The following GRM3 variants were observed in gnomAD, a reference collection of about 807,000 sequenced individuals.
GRM3 encodes glutamate metabotropic receptor 3.
Under a neutral mutation model 70.5 loss-of-function variants are expected in GRM3, and 26 were observed. The ratio of observed to expected loss-of-function variants is 0.37; its 90% confidence interval spans 0.27 to 0.51. The LOEUF is 0.51. Ranked by LOEUF, GRM3 falls within the 20% of genes least tolerant of loss-of-function variation. The pLI is 0.93. For synonymous variants in GRM3, 443 were observed against 434.9 expected (o/e 1.02, Z -0.23); for missense variants, 859 against 1,123.8 (o/e 0.76, Z 3.37).
intron 2 of GRM3, chr7:86,775,184 T>C (rs1343793867): frequency 6.6e-6 from 1 of 152,138 alleles, no homozygotes; most frequent in East Asian, 1.9e-4. Context: ...TCTAGGAATT[T>C]AAAAGTTCTT....
At chr7:86,700,435 A>C (rs1584176212) in intron 1 of GRM3, among the ~76,000 whole-genome samples, 4 of 151,956 alleles carry the variant, frequency 2.6e-5, no homozygotes, top group Admixed American at 6.6e-5. Flanking sequence ...GAGAGCCTAC[A>C]ATCTTACTTT....
intron 3 of GRM3, among the ~76,000 whole-genome samples, chr7:86,808,577 A>T (rs1445916641): frequency 1.3e-5 from 2 of 151,808 alleles, no homozygotes; most frequent in Non-Finnish European, 2.9e-5. Context: ...AAGTGGAATA[A>T]GGCATCCCAG....
chr7:86,712,946 C>A (rs1795232079), intron 1 of GRM3, among the ~76,000 whole-genome samples: 1 of 151,988 alleles, frequency 6.6e-6, no homozygotes, highest in Admixed American at 6.6e-5. Context: ...CATAAAAATG[C>A]AGATATCTTT....
chr7:86,853,037 C>A (rs552712524), intron 5 of GRM3, among the ~76,000 whole-genome samples: 1 of 152,234 alleles, frequency 6.6e-6, no homozygotes, highest in Admixed American at 6.5e-5. Context: ...CCAAAAATTT[C>A]TAAGCACTGT....
intron 3 of GRM3, among the ~76,000 whole-genome samples, chr7:86,804,657 C>T (rs1007056206): frequency 7.9e-5 from 12 of 152,178 alleles, no homozygotes; most frequent in African/African-American, 2.4e-4. Flanking sequence ...ATGATCCGCC[C>T]GCCTTGGCCT....
chr7:86,745,096 T>A (rs1159583532), intron 1 of GRM3, among the ~76,000 whole-genome samples: 1 of 152,086 alleles, frequency 6.6e-6, no homozygotes, highest in Non-Finnish European at 1.5e-5. Flanking sequence ...TTCCATCTCA[T>A]AACTCCAGAG....
At chr7:86,689,482 A>G (rs1400036703) in intron 1 of GRM3, among the ~76,000 whole-genome samples, 1 of 152,100 alleles carries the variant, frequency 6.6e-6, no homozygotes, top group Non-Finnish European at 1.5e-5. Context: ...GGAATAAGTT[A>G]TGTCTCTTTA....
intron 3 of GRM3, among the ~76,000 whole-genome samples, chr7:86,812,518 A>G (rs1311745258): frequency 6.6e-6 from 1 of 151,836 alleles, no homozygotes; most frequent in Non-Finnish European, 1.5e-5. Context: ...AGAATTTAAA[A>G]TCTACTCTCA....
intron 3 of GRM3, among the ~76,000 whole-genome samples, chr7:86,801,950 A>G (rs1291199895): frequency 6.6e-6 from 1 of 152,192 alleles, no homozygotes; most frequent in Non-Finnish European, 1.5e-5. Flanking sequence ...AAACTTCTCT[A>G]AAACCACATT....
In GRM3 at chr7:86,698,520, TTA is replaced by T. The variant is rs570784350; in HGVS notation, c.-141+53665_-141+53666del. ...AAAGAGTCCCATGTCTAAAAAGTAT[TTA>T]TATATATATATATATAAAATACACA... is the stretch of plus-strand genomic sequence containing the variant. On this transcript the variant is annotated intron_variant, in intron 1 of 5. Coordinates refer to ENST00000361669, the MANE Select transcript of GRM3 (RefSeq NM_000840.3). Among the ~76,000 whole-genome samples the T allele has an allele frequency of 4.6e-3, 648 of 142,128 alleles. 4 individuals are homozygous for T. Among genetic ancestry groups the T allele is most frequent in the Non-Finnish European group, 6.7e-3 (445 of 65,966 alleles). The allele number at this position is 142,128 out of a possible 152,430, so 93.2% of individuals were successfully genotyped here.
At chr7:86,726,843 C>T (rs1795604577) in intron 1 of GRM3, among the ~76,000 whole-genome samples, 1 of 152,186 alleles carries the variant, frequency 6.6e-6, no homozygotes, top group Admixed American at 6.5e-5. Context: ...ACTGGTCAAT[C>T]TCCGTCATTC....
Position 86,786,619 on chromosome 7 carries a change from T to G in GRM3, c.827T>G (p.Met276Arg), listed in dbSNP as rs1449464445. ...KPNARVVVLF[M>R]RSDDSRELIA... is the part of the protein sequence containing the mutation. The stretch of plus-strand genomic sequence containing the variant: ...AACGCGCGCGTCGTGGTCCTCTTCA[T>G]GCGCAGCGACGACTCGCGGGAGCTC... The change falls in exon 3 of 6, where the codon ATG (methionine) becomes AGG (arginine). Residue 276 changes from methionine (M) to arginine (R), a missense_variant. By Grantham distance (91) the Met-to-Arg change is moderately conservative. Transcript: ENST00000361669. This position sits in a 1 kb window ranked among gnomAD's most constrained non-coding sequence, Gnocchi z 6.0. 6.2e-7 allele frequency: 1 copy of G among 1,613,058 alleles called. No homozygotes were observed. The highest frequency in any genetic ancestry group is 8.5e-7 in the Non-Finnish European group (1 of 1,179,970).
chr7:86,769,240 A>C (rs1052671879), intron 2 of GRM3, among the ~76,000 whole-genome samples: 7 of 152,206 alleles, frequency 4.6e-5, no homozygotes, highest in African/African-American at 1.7e-4. Context: ...GACTTCCTGC[A>C]TATGTACTGG....
rs2116545062 is a variant in GRM3, at chr7:86,786,635, G to A, written c.843G>A (p.Ser281=). The part of the protein sequence containing the change: ...VVVLFMRSDD[S]RELIAAASRA... ...TCCTCTTCATGCGCAGCGACGACTC[G>A]CGGGAGCTCATTGCAGCCGCCAGCC... is the stretch of plus-strand genomic sequence containing the variant. Residue 281 remains serine, a synonymous_variant, in exon 3 of 6, where the codon TCG becomes TCA. Coordinates refer to ENST00000361669, the MANE Select transcript of GRM3 (RefSeq NM_000840.3). This position sits in a 1 kb window ranked among gnomAD's most constrained non-coding sequence, Gnocchi z 6.0. The A allele has an allele frequency of 1.9e-6, 3 of 1,612,262 alleles. No homozygotes were observed. The highest frequency in any genetic ancestry group is 2.5e-6 in the Non-Finnish European group (3 of 1,179,880).
chr7:86,734,261 A>G (rs919719125), intron 1 of GRM3, among the ~76,000 whole-genome samples: 3 of 152,166 alleles, frequency 2.0e-5, no homozygotes, highest in African/African-American at 7.2e-5. Flanking sequence ...TATACAGTGT[A>G]TATTGTTCTA....
chr7:86,786,817 C>G lies in GRM3; in HGVS notation c.1025C>G (p.Pro342Arg). 6.2e-7 allele frequency: 1 copy of G among 1,614,216 alleles called. No individual in the cohort carries two copies. The highest frequency in any genetic ancestry group is 8.5e-7 in the Non-Finnish European group (1 of 1,180,024). Residue 342 changes from proline (P) to arginine (R), a missense_variant, in exon 3 of 6, where the codon CCC becomes CGC. Coordinates refer to ENST00000361669, the MANE Select transcript of GRM3 (RefSeq NM_000840.3). This position sits in a 1 kb window ranked among gnomAD's most constrained non-coding sequence, Gnocchi z 6.0. ...QFDRYFQSLN[P>R]YNNHRNPWFR... ...GACCGCTACTTCCAGAGCCTCAACC[C>G]CTACAACAACCACCGCAACCCCTGG...
intron 1 of GRM3, among the ~76,000 whole-genome samples, chr7:86,698,733 TG>T (rs1482516016): frequency 6.6e-6 from 1 of 151,858 alleles, no homozygotes; most frequent in African/African-American, 2.4e-5. Flanking sequence ...GAGAACAAAA[TG>T]GGTTACCCAT....
Position 86,687,202 on chromosome 7 carries a change from C to T in GRM3, c.-141+42330C>T, listed in dbSNP as rs533263751. 1.6e-3 allele frequency among the ~76,000 whole-genome samples: 241 copies of T among 151,762 alleles called. 1 individual carries two copies. Among genetic ancestry groups the T allele is most frequent in the South Asian group, 3.3e-3 (16 of 4,808 alleles). Reference sequence around the variant, plus strand: ...AACATAAATGATTGAAAAATACTGGCCAGAAATTTTTCAAAATTGATGAAA... The same window carrying T: ...AACATAAATGATTGAAAAATACTGGTCAGAAATTTTTCAAAATTGATGAAA... On this transcript the variant is annotated intron_variant, in intron 1 of 5. Coordinates refer to ENST00000361669, the MANE Select transcript of GRM3 (RefSeq NM_000840.3).
At chr7:86,669,172 A>G (rs1794107826) in intron 1 of GRM3, among the ~76,000 whole-genome samples, 1 of 152,294 alleles carries the variant, frequency 6.6e-6, no homozygotes, top group South Asian at 2.1e-4. Context: ...GGTTCTCTAC[A>G]TTGGCTGCAC....
Sources: allele counts gnomAD v4.1 joint callset (sites outside exome capture counted in the v4.1 genomes callset), GRCh38; gene constraint gnomAD v4.1.1; non-coding constraint Gnocchi (gnomAD v3.1); transcripts MANE v1.5; gene names NCBI Gene and HGNC (gene_info 2026-07-23, HGNC 2026-07-21).